PROKR2: variants seen among roughly 807,000 people sequenced by gnomAD.
The protein encoded by PROKR2 is G protein-coupled receptor 73-like 1.
Under a neutral mutation model 23.4 loss-of-function variants are expected in PROKR2, and 26 were observed. The observed-to-expected ratio is 1.11, with a 90% confidence interval of 0.81 to 1.54. The LOEUF is 1.54. Among genes scored for constraint, PROKR2 ranks in the 40% most tolerant of loss-of-function variants. The probability of loss-of-function intolerance (pLI) is 0.00; values close to 1 mark genes in which losing one functional copy is unlikely to be tolerated. For missense variants in PROKR2, 453 were observed against 511.5 expected, an observed-to-expected ratio of 0.89 and a Z score of 1.10; for synonymous variants, 212 against 201.2, an observed-to-expected ratio of 1.05 and a Z score of -0.45.
rs1242167364 is a variant in PROKR2, at chr20:5,316,108, G to C, written c.-9+386C>G. The C allele has an allele frequency of 4.4e-6, 2 of 456,718 alleles. No individual in the cohort carries two copies. Among genetic ancestry groups the C allele is most frequent in the East Asian group, 1.4e-4 (2 of 14,378 alleles). The allele number at this position is 456,718 out of a possible 1,614,324, so 28.3% of individuals were successfully genotyped here. ...TGCCTCCTGGCTGGAAGAAAACGGC[G>C]GGTGGGTGGAGGATGCGGTGCGCGG... On this transcript the variant is annotated intron_variant, in intron 1 of 2. Coordinates refer to ENST00000678254, the MANE Select transcript of PROKR2 (RefSeq NM_144773.4). The surrounding 1 kb of genome is among the most constrained non-coding windows in gnomAD (Gnocchi z 5.0).
At chr20:5,304,799 T>C (rs947202043) in intron 2 of PROKR2, among the ~76,000 whole-genome samples, 4 of 151,938 alleles carry the variant, frequency 2.6e-5, no homozygotes, top group African/African-American at 4.8e-5. Context: ...CAGGATAGAG[T>C]GTTGCAGTTA....
intron 2 of PROKR2, among the ~76,000 whole-genome samples, chr20:5,309,686 T>C (rs995775180): frequency 6.6e-6 from 1 of 152,232 alleles, no homozygotes; most frequent in African/African-American, 2.4e-5. Flanking sequence ...TGGTTATCCT[T>C]GGGTGAGGGA....
chr20:5,307,860 A>T (rs1293870339), intron 2 of PROKR2, among the ~76,000 whole-genome samples: 1 of 152,242 alleles, frequency 6.6e-6, no homozygotes, highest in Non-Finnish European at 1.5e-5. Context: ...GAAATAATAA[A>T]AAAGCATCTA....
intron 2 of PROKR2, among the ~76,000 whole-genome samples, chr20:5,309,396 C>G (rs1440544191): frequency 2.0e-5 from 3 of 152,138 alleles, no homozygotes; most frequent in Non-Finnish European, 2.9e-5. Context: ...ATTTTTGTTG[C>G]CTTTTCTAGG....
chr20:5,310,327 C>A (rs1979387842), intron 2 of PROKR2, among the ~76,000 whole-genome samples: 1 of 152,082 alleles, frequency 6.6e-6, no homozygotes, highest in South Asian at 2.1e-4. Context: ...CTGGATGGAC[C>A]TGGCTGTGGC....
intron 2 of PROKR2, among the ~76,000 whole-genome samples, chr20:5,312,178 C>T (rs970273163): frequency 6.6e-6 from 1 of 152,136 alleles, no homozygotes; most frequent in Non-Finnish European, 1.5e-5. Flanking sequence ...GCAGTCTTGG[C>T]TCACGGCAAC....
intron 2 of PROKR2, among the ~76,000 whole-genome samples, chr20:5,312,412 TTG>T (rs1394280419): frequency 6.6e-6 from 1 of 152,156 alleles, no homozygotes; most frequent in Non-Finnish European, 1.5e-5. Context: ...CGGGCTGACT[TTG>T]TGTCTTTCCA....
In PROKR2 at chr20:5,299,420, C is replaced by T. The variant is rs1978911061; in HGVS notation, c.*2620G>A. Among the ~76,000 whole-genome samples, 1 of 152,014 alleles carries T rather than the reference C, an allele frequency of 6.6e-6. No homozygotes were observed. The highest frequency in any genetic ancestry group is 1.5e-5 in the Non-Finnish European group (1 of 67,988). ...GGTACATGGTCCATTCCTAAAGAAT[C>T]TCCTGATTCGGCTAAGAGCCAGGAT... On this transcript the variant is annotated 3_prime_UTR_variant, in exon 3 of 3. Transcript: ENST00000678254.
In PROKR2 at chr20:5,300,228, A is replaced by G. The variant is rs1407131072; in HGVS notation, c.*1812T>C. On this transcript the variant is annotated 3_prime_UTR_variant, in exon 3 of 3. Transcript: ENST00000678254. ...ACAGATTCAGAAGTGATATTTATGC[A>G]GCACTAGGGTGCTATTTTGCAACAT... Among the ~76,000 whole-genome samples, 1 of 152,242 alleles carries G rather than the reference A, an allele frequency of 6.6e-6. No homozygotes were observed. The highest frequency in any genetic ancestry group is 1.5e-5 in the Non-Finnish European group (1 of 68,046).
rs953015848 is a variant in PROKR2, at chr20:5,316,282, T to C, written c.-9+212A>G. On this transcript the variant is annotated intron_variant, in intron 1 of 2. Transcript: ENST00000678254. The surrounding 1 kb of genome is among the most constrained non-coding windows in gnomAD (Gnocchi z 5.0). Reference sequence around the variant, plus strand: ...CGCGCCCGCACACCACAGACTCCGCTTACCGTACCCTACCCGGTCCTAGAG... The same window carrying C: ...CGCGCCCGCACACCACAGACTCCGCCTACCGTACCCTACCCGGTCCTAGAG... 17 of 456,538 alleles carry C rather than the reference T, an allele frequency of 3.7e-5. No homozygotes were observed. Among genetic ancestry groups the C allele is most frequent in the African/African-American group, 3.2e-4 (16 of 50,070 alleles). 28.3% of individuals were successfully genotyped at this position (456,538 alleles called of 1,614,324 possible). A position where few individuals can be genotyped will look rare whatever the true frequency, so the allele number is the denominator to read the frequency against.
chr20:5,303,875 TA>T (rs1979109259), intron 2 of PROKR2, among the ~76,000 whole-genome samples: 1 of 152,098 alleles, frequency 6.6e-6, no homozygotes, highest in South Asian at 2.1e-4. Flanking sequence ...AACCTGGCCA[TA>T]AACTGGCGTC....
At chr20:5,313,307 CTCT>C (rs903175958) in intron 2 of PROKR2, among the ~76,000 whole-genome samples, 1 of 152,194 alleles carries the variant, frequency 6.6e-6, no homozygotes, top group African/African-American at 2.4e-5. Context: ...GTGTCCTTTC[CTCT>C]TTTGCACAAA....
rs562348848 is a variant in PROKR2, at chr20:5,311,558, G to A, written c.458+2354C>T. On this transcript the variant is annotated intron_variant, in intron 2 of 2. Coordinates refer to ENST00000678254, the MANE Select transcript of PROKR2 (RefSeq NM_144773.4). ...GGGAACAGTGCTTACTTTCTGTGACGGTTAATATTGATTGTCAACTTGATT... is the reference window on the plus strand; with the variant it reads ...GGGAACAGTGCTTACTTTCTGTGACAGTTAATATTGATTGTCAACTTGATT... 1.1e-4 allele frequency among the ~76,000 whole-genome samples: 17 copies of A among 152,314 alleles called. No individual in the cohort carries two copies. The South Asian group carries it at 1.9e-3, about 17-fold the overall frequency.
At position 5,316,258 on chromosome 20, in the gene PROKR2, G is replaced by T; in HGVS notation, c.-9+236C>A. Reference sequence around the variant, plus strand: ...AGCTACCCGCTGGCTCCCTCTGCCCGCGCCCGCACACCACAGACTCCGCTT... The same window carrying T: ...AGCTACCCGCTGGCTCCCTCTGCCCTCGCCCGCACACCACAGACTCCGCTT... On this transcript the variant is annotated intron_variant, in intron 1 of 2. Coordinates refer to ENST00000678254, the MANE Select transcript of PROKR2 (RefSeq NM_144773.4). This position sits in a 1 kb window ranked among gnomAD's most constrained non-coding sequence, Gnocchi z 5.0. 2.2e-6 allele frequency: 1 copy of T among 456,630 alleles called. No individual in the cohort carries two copies. The highest frequency in any genetic ancestry group is 2.0e-5 in the African/African-American group (1 of 50,186). 28.3% of individuals were successfully genotyped at this position (456,630 alleles called of 1,614,324 possible).
At chr20:5,307,284 G>A (rs904544438) in intron 2 of PROKR2, among the ~76,000 whole-genome samples, 17 of 152,274 alleles carry the variant, frequency 1.1e-4, no homozygotes, top group Admixed American at 3.3e-4. Context: ...CTATGATAGC[G>A]GTGATCACCA....
At chr20:5,312,253 C>T (rs770306484) in intron 2 of PROKR2, among the ~76,000 whole-genome samples, 6 of 152,116 alleles carry the variant, frequency 3.9e-5, no homozygotes, top group Admixed American at 6.5e-5. Flanking sequence ...ATTACAGGCA[C>T]CCGCCACCAC....
Position 5,302,566 on chromosome 20 carries a change from T to C in PROKR2, c.629A>G (p.Gln210Arg), listed in dbSNP as rs74315417. The change falls in exon 3 of 3, where the codon CAG becomes CGG. Residue 210 changes from glutamine (Q) to arginine (R), a missense_variant. Transcript: ENST00000678254. ...GAGCTGCTGATCCACAGGCCAGATC[T>C]GGCCACAGAAGATCTTCTCCTGGCT... The part of the protein sequence containing the change: ...VKSQEKIFCG[Q>R]IWPVDQQLYY... 12 of 1,614,138 alleles carry C rather than the reference T, an allele frequency of 7.4e-6. No individual in the cohort carries two copies. Among genetic ancestry groups the C allele is most frequent in the Non-Finnish European group, 1.0e-5 (12 of 1,180,058 alleles).
At position 5,302,484 on chromosome 20, in the gene PROKR2, G is replaced by A. The variant is rs192855237; in HGVS notation, c.711C>T (p.Val237=). The A allele has an allele frequency of 1.2e-5, 20 of 1,614,216 alleles. No individual in the cohort carries two copies. In the African/African-American group the frequency reaches 1.5e-4, roughly 12 times the overall value. The change falls in exon 3 of 3, where the codon GTC becomes GTT. Residue 237 remains valine (V), a synonymous_variant. Coordinates refer to ENST00000678254, the MANE Select transcript of PROKR2 (RefSeq NM_144773.4). ...TCCTGGCATAGCACAGGGTCATGGTGACCACAGGGCCCACGAACTCGACAC... is the reference window on the plus strand; with the variant it reads ...TCCTGGCATAGCACAGGGTCATGGTAACCACAGGGCCCACGAACTCGACAC... ...IFGVEFVGPV[V]TMTLCYARIS...
At chr20:5,303,029 G>A (rs1172052454) in intron 2 of PROKR2, among the ~76,000 whole-genome samples, 1 of 152,194 alleles carries the variant, frequency 6.6e-6, no homozygotes, top group African/African-American at 2.4e-5. Flanking sequence ...TTCCTCAAAT[G>A]CAACCTGGAA....
Sources: gnomAD v4.1 joint callset for allele counts (sites outside exome capture counted in the v4.1 genomes callset) on GRCh38, gnomAD v4.1.1 for gene constraint, Gnocchi (gnomAD v3.1) non-coding constraint, MANE v1.5 for transcripts, NCBI Gene and HGNC (gene_info 2026-07-23, HGNC 2026-07-21) for gene names.